Variants in HUNK observed in about 807,000 individuals in gnomAD.
HUNK encodes hormonally up-regulated Neu-associated kinase, also known as hormonally up-regulated neu tumor-associated kinase.
Under a neutral mutation model 61.0 loss-of-function variants are expected in HUNK, and 21 were observed. The ratio of observed to expected loss-of-function variants is 0.34; its 90% CI spans 0.24 to 0.50. The LOEUF (loss-of-function observed/expected upper bound fraction) is 0.50, where lower values mean the gene tolerates loss of function less well. Among genes scored for constraint, HUNK ranks in the 20% least tolerant of loss-of-function variants. HUNK has a pLI of 0.98. For missense variants in HUNK, 772 were observed against 945.7 expected (o/e 0.82, Z 2.41); for synonymous variants, 371 against 386.1 (o/e 0.96, Z 0.46).
chr21:31,988,149 T>C (rs2053146554), intron 8 of HUNK, among the ~76,000 whole-genome samples: 1 of 152,206 alleles, frequency 6.6e-6, no homozygotes, highest in Non-Finnish European at 1.5e-5. Flanking sequence ...AGGCAGAGAC[T>C]GTATCTATAA....
At chr21:31,885,942 A>C (rs1047648112) in intron 1 of HUNK, among the ~76,000 whole-genome samples, 6 of 152,040 alleles carry the variant, frequency 3.9e-5, no homozygotes, top group Non-Finnish European at 7.4e-5. Flanking sequence ...CACGTTGATC[A>C]AGCTGGTCTT....
At chr21:31,901,571 T>G (rs982783534) in intron 1 of HUNK, among the ~76,000 whole-genome samples, 2 of 152,080 alleles carry the variant, frequency 1.3e-5, no homozygotes. Flanking sequence ...AGTCTCAAAG[T>G]TAAGGACCCA....
chr21:31,983,588 G>T lies in HUNK; in HGVS notation c.1236G>T (p.Arg412Ser). The change falls in exon 8 of 11, where the codon AGG becomes AGT. Residue 412 changes from arginine to serine, a missense_variant. Arg to Ser is a moderately radical substitution (Grantham distance 110). This residue lies in a region of HUNK where 413 missense variants were observed against 444.4 expected (regional missense o/e 0.93). Transcript: ENST00000270112. ...GGCTCTACCAGATAGAAAAGTACAGGGCCCCCAAGGAGTCCTATGAGGTGA... is the reference window on the plus strand; with the variant it reads ...GGCTCTACCAGATAGAAAAGTACAGTGCCCCCAAGGAGTCCTATGAGGTGA... ...KTRLYQIEKY[R>S]APKESYEASL... 5.0e-6 allele frequency: 8 copies of T among 1,613,638 alleles called. No homozygotes were observed. The highest frequency in any genetic ancestry group is 6.8e-6 in the Non-Finnish European group (8 of 1,179,820).
At position 32,003,775 on chromosome 21, in the gene HUNK, G is replaced by A. The variant is rs1004920988; in HGVS notation, c.*4591G>A. ...TTGTGACACACAGTTATCTCTAGGA[G>A]TTGACGTCTGTGGGCACTAAGGGAC... is the stretch of plus-strand genomic sequence containing the variant. On this transcript the variant is annotated 3_prime_UTR_variant, in exon 11 of 11. Transcript: ENST00000270112. The A allele has an allele frequency of 2.7e-4, 41 of 152,208 alleles. No individual in the cohort carries two copies. The highest frequency in any genetic ancestry group is 9.7e-4 in the African/African-American group (40 of 41,432). The allele number at this position is 152,208 out of a possible 1,614,324, so 9.4% of individuals were successfully genotyped here.
chr21:31,980,516 A>G (rs1471599816), intron 7 of HUNK, among the ~76,000 whole-genome samples: 2 of 151,212 alleles, frequency 1.3e-5, no homozygotes, highest in African/African-American at 4.9e-5. Flanking sequence ...AGCTGGGATT[A>G]CAGACGCCTG....
At chr21:31,998,243 G>C (rs555305288) in intron 10 of HUNK, among the ~76,000 whole-genome samples, 16 of 152,298 alleles carry the variant, frequency 1.1e-4, no homozygotes, top group Non-Finnish European at 1.5e-4. Context: ...GCAACCAAAA[G>C]CAGGGACGAT....
At chr21:31,909,110 T>A (rs2052528490) in intron 1 of HUNK, among the ~76,000 whole-genome samples, 1 of 152,184 alleles carries the variant, frequency 6.6e-6, no homozygotes, top group African/African-American at 2.4e-5. Flanking sequence ...GAGGGTTAAT[T>A]TTATCCTTGT....
rs375958642 is a variant in HUNK, at chr21:31,987,032, G to A, written c.1258-3097G>A. Among the ~76,000 whole-genome samples the A allele has an allele frequency of 5.9e-5, 9 of 152,308 alleles. No homozygotes were observed. The East Asian group carries it at 1.4e-3, about 23-fold the overall frequency. On this transcript the variant is annotated intron_variant, in intron 8 of 10. Transcript: ENST00000270112. The stretch of plus-strand genomic sequence containing the variant: ...ACAATATTCCCAGAGGCCACACGAT[G>A]CCTGGCATGTAGGTGCTCAATAAAT...
At chr21:31,900,510 G>A (rs77700267) in intron 1 of HUNK, among the ~76,000 whole-genome samples, 2,162 of 146,720 alleles carry the variant, frequency 0.015, 51 homozygotes, top group African/African-American at 0.053. Flanking sequence ...GATTTTTCAC[G>A]AATAGTGGGT....
At chr21:31,987,818 C>T (rs1026988641) in intron 8 of HUNK, among the ~76,000 whole-genome samples, 2 of 152,204 alleles carry the variant, frequency 1.3e-5, no homozygotes, top group African/African-American at 4.8e-5. Flanking sequence ...CAGGGAAAGT[C>T]CATTCGGAGC....
intron 1 of HUNK, among the ~76,000 whole-genome samples, chr21:31,901,072 T>C (rs1264498543): frequency 6.6e-6 from 1 of 152,190 alleles, no homozygotes; most frequent in Non-Finnish European, 1.5e-5. Flanking sequence ...TTCTCCTTTT[T>C]ATAAGGACGC....
rs3138690 is a variant in HUNK at position 31,900,446 on chromosome 21, A to AACACACACACACACACACACAC, written c.262-24010_262-23989dup. ...GCTAGAACCAGGTCTTAGTTACTGA[A>AACACACACACACACACACACAC]ACACACACACACACACACACACACA... On this transcript the variant is annotated intron_variant, in intron 1 of 10. Transcript: ENST00000270112. Among the ~76,000 whole-genome samples, 1,050 of 143,080 alleles carry AACACACACACACACACACACAC rather than the reference A, an allele frequency of 7.3e-3. 24 individuals carry two copies. The highest frequency in any genetic ancestry group is 0.021 in the African/African-American group (801 of 37,640). 93.9% of individuals were successfully genotyped at this position (143,080 alleles called of 152,430 possible).
At chr21:31,938,193 A>C (rs960815525) in intron 2 of HUNK, among the ~76,000 whole-genome samples, 13 of 151,526 alleles carry the variant, frequency 8.6e-5, no homozygotes, top group African/African-American at 3.2e-4. Context: ...ACCCCTGCCC[A>C]CCCCGCAACT....
chr21:31,981,026 A>T (rs908478850), intron 7 of HUNK, among the ~76,000 whole-genome samples: 1 of 152,170 alleles, frequency 6.6e-6, no homozygotes, highest in Non-Finnish European at 1.5e-5. Flanking sequence ...ACTCATTTTG[A>T]GTTGACTTTG....
At chr21:31,878,207 CT>C (rs1290623638) in intron 1 of HUNK, among the ~76,000 whole-genome samples, 1 of 141,190 alleles carries the variant, frequency 7.1e-6, no homozygotes, top group Non-Finnish European at 1.5e-5. Context: ...TGCAGTGAGC[CT>C]AGATTGTGCC....
At chr21:31,923,155 A>G (rs2052634095) in intron 1 of HUNK, among the ~76,000 whole-genome samples, 1 of 152,124 alleles carries the variant, frequency 6.6e-6, no homozygotes, top group Non-Finnish European at 1.5e-5. Context: ...AAAAAGAAGG[A>G]ACAGGGCAGC....
intron 6 of HUNK, among the ~76,000 whole-genome samples, chr21:31,970,642 A>G (rs903392074): frequency 1.3e-5 from 2 of 152,198 alleles, no homozygotes; most frequent in African/African-American, 4.8e-5. Context: ...ATCACCGCCT[A>G]AATGAGCATA....
Position 31,972,071 on chromosome 21 carries a change from C to G in HUNK, c.1011-2484C>G, listed in dbSNP as rs918859561. Among the ~76,000 whole-genome samples the G allele has an allele frequency of 2.6e-5, 4 of 152,248 alleles. No homozygotes were observed. The East Asian group carries it at 5.8e-4, about 22-fold the overall frequency. ...GGTCTTAAACTCCTGGCTCCAAGCA[C>G]TCTCTGTGCCTCAGTCTCCTAAAGT... On this transcript the variant is annotated intron_variant, in intron 6 of 10. Coordinates refer to ENST00000270112, the MANE Select transcript of HUNK (RefSeq NM_014586.2).
intron 1 of HUNK, among the ~76,000 whole-genome samples, chr21:31,890,418 G>A (rs903072481): frequency 4.6e-5 from 7 of 152,146 alleles, no homozygotes; most frequent in Admixed American, 6.6e-5. Flanking sequence ...TAGTAGAGAC[G>A]GGATTTCACC....
Sources: allele counts gnomAD v4.1 joint callset (sites outside exome capture counted in the v4.1 genomes callset), GRCh38; gene constraint gnomAD v4.1.1; regional missense constraint gnomAD v4.1.1; transcripts MANE v1.5; gene names NCBI Gene and HGNC (gene_info 2026-07-23, HGNC 2026-07-21).